The following MAGI2 variants were observed in gnomAD, a reference collection of about 807,000 sequenced individuals.
The protein encoded by MAGI2 is membrane-associated guanylate kinase, WW and PDZ domain-containing protein 2.
MAGI2 carries 35 observed loss-of-function variants against 133.3 expected under a neutral mutation model. The ratio of observed to expected loss-of-function variants is 0.26; its 90% confidence interval spans 0.20 to 0.35. The LOEUF is 0.35. MAGI2 is among the 10% of genes least tolerant of loss of function. The pLI, the probability that MAGI2 is intolerant of heterozygous loss-of-function variation, is 1.00. For synonymous variants in MAGI2, 729 were observed against 710.6 expected, an observed-to-expected ratio of 1.03 and a Z score of -0.41; for missense variants, 1,636 against 1,863.4, an observed-to-expected ratio of 0.88 and a Z score of 2.25.
At chr7:78,082,177 C>G (rs1443589286) in intron 20 of MAGI2, among the ~76,000 whole-genome samples, 1 of 152,234 alleles carries the variant, frequency 6.6e-6, no homozygotes, top group Non-Finnish European at 1.5e-5. Flanking sequence ...TCTTTTGACT[C>G]TGGTCCCATA....
intron 2 of MAGI2, among the ~76,000 whole-genome samples, chr7:78,924,376 C>A (rs1799517094): frequency 6.6e-6 from 1 of 152,064 alleles, no homozygotes; most frequent in Admixed American, 6.6e-5. Context: ...CCCATCAATA[C>A]CTAATTTATT....
chr7:78,638,778 T>G (rs1265760929), intron 2 of MAGI2, among the ~76,000 whole-genome samples: 1 of 152,234 alleles, frequency 6.6e-6, no homozygotes, highest in Non-Finnish European at 1.5e-5. Context: ...TGTTACCAAT[T>G]AATTTATTTT....
intron 14 of MAGI2, among the ~76,000 whole-genome samples, chr7:78,176,674 A>G (rs1286582033): frequency 6.6e-6 from 1 of 151,770 alleles, no homozygotes; most frequent in Non-Finnish European, 1.5e-5. Flanking sequence ...CCCAGGTTTT[A>G]TTTTTATTTT....
chr7:78,495,798 T>C (rs535911071), intron 5 of MAGI2, among the ~76,000 whole-genome samples: 33 of 152,330 alleles, frequency 2.2e-4, no homozygotes, highest in Admixed American at 2.0e-4. Flanking sequence ...GTTTTGGATA[T>C]TGTGGATGTG....
chr7:78,661,804 T>C (rs1812988205), intron 2 of MAGI2, among the ~76,000 whole-genome samples: 1 of 152,218 alleles, frequency 6.6e-6, no homozygotes, highest in Non-Finnish European at 1.5e-5. Context: ...CAACTCATAA[T>C]GTGCTTGATG....
intron 1 of MAGI2, among the ~76,000 whole-genome samples, chr7:79,259,546 C>T (rs1833933701): frequency 6.6e-6 from 1 of 152,104 alleles, no homozygotes; most frequent in South Asian, 2.1e-4. Context: ...TTTAGACCCC[C>T]ACTTCATGTT....
intron 10 of MAGI2, among the ~76,000 whole-genome samples, chr7:78,228,046 G>A (rs1173333863): frequency 6.6e-6 from 1 of 152,216 alleles, no homozygotes; most frequent in Admixed American, 6.5e-5. Flanking sequence ...AGCAGCCATT[G>A]AGAATGCTCA....
chr7:78,447,382 A>C (rs1387644321), intron 6 of MAGI2, among the ~76,000 whole-genome samples: 3 of 145,240 alleles, frequency 2.1e-5, no homozygotes, highest in Admixed American at 6.7e-5. Flanking sequence ...GATGGCTAAA[A>C]AAAAAAAAAG....
chr7:78,476,926 A>G (rs1286734932), intron 6 of MAGI2, among the ~76,000 whole-genome samples: 1 of 151,926 alleles, frequency 6.6e-6, no homozygotes, highest in Non-Finnish European at 1.5e-5. Context: ...TCAGCCTTGG[A>G]ATGCACTGTT....
At chr7:78,684,843 A>T (rs1369028205) in intron 2 of MAGI2, among the ~76,000 whole-genome samples, 3 of 152,168 alleles carry the variant, frequency 2.0e-5, no homozygotes, top group Non-Finnish European at 2.9e-5. Flanking sequence ...CAGAAATTCT[A>T]CCTTGGCCAA....
At chr7:79,315,192 G>C (rs1025920235) in intron 1 of MAGI2, among the ~76,000 whole-genome samples, 1 of 143,058 alleles carries the variant, frequency 7.0e-6, no homozygotes, top group Non-Finnish European at 1.5e-5. Flanking sequence ...GTGAAGTCTC[G>C]CTGTTTTCCA....
chr7:78,988,649 T>G (rs1212845357), intron 2 of MAGI2, among the ~76,000 whole-genome samples: 1 of 152,140 alleles, frequency 6.6e-6, no homozygotes, highest in Admixed American at 6.6e-5. Context: ...AGCAAAATTT[T>G]ACAACTTGGT....
intron 1 of MAGI2, among the ~76,000 whole-genome samples, chr7:79,217,005 C>T (rs1328454621): frequency 6.6e-6 from 1 of 152,010 alleles, no homozygotes; most frequent in African/African-American, 2.4e-5. Flanking sequence ...AATAAAAGCA[C>T]GTGAAGCTAG....
chr7:78,889,397 C>T (rs925152825), intron 2 of MAGI2, among the ~76,000 whole-genome samples: 20 of 152,046 alleles, frequency 1.3e-4, no homozygotes, highest in African/African-American at 4.8e-4. Context: ...AGATACTCCT[C>T]GAGAAGAGCA....
At chr7:79,256,486 C>CTTTTTTT (rs11303181) in intron 1 of MAGI2, among the ~76,000 whole-genome samples, 8 of 82,774 alleles carry the variant, frequency 9.7e-5, no homozygotes, top group South Asian at 4.8e-4. Flanking sequence ...CTCTCTCTCT[C>CTTTTTTT]TTTTTTTTTT....
At chr7:78,346,228 A>C (rs1790892732) in intron 7 of MAGI2, among the ~76,000 whole-genome samples, 185 bp from the exon 8 acceptor site, 1 of 152,194 alleles carries the variant, frequency 6.6e-6, no homozygotes, top group Non-Finnish European at 1.5e-5. Context: ...TTCTGTGACA[A>C]GTGCTGAGTT....
At position 78,160,015 on chromosome 7, in the gene MAGI2, C is replaced by T. The variant is rs761399560; in HGVS notation, c.2845+10G>A. 1 of 1,535,736 alleles carries T rather than the reference C, an allele frequency of 6.5e-7. No individual in the cohort carries two copies. The highest frequency in any genetic ancestry group is 8.8e-7 in the Non-Finnish European group (1 of 1,139,284). ...CCCTTATTCAAATGCAGGCAAATTT[C>T]AGCACTTACTTATAGTGGATCCAGA... On this transcript the variant is annotated intron_variant, in intron 16 of 21. Transcript: ENST00000354212.
chr7:78,736,248 T>A (rs1030230262), intron 2 of MAGI2, among the ~76,000 whole-genome samples: 3 of 152,160 alleles, frequency 2.0e-5, no homozygotes, highest in Non-Finnish European at 4.4e-5. Context: ...TTCCAGAGAG[T>A]ATCTAATAAC....
intron 9 of MAGI2, among the ~76,000 whole-genome samples, chr7:78,297,476 T>C (rs62463897): frequency 0.046 from 6,967 of 151,706 alleles, 229 homozygotes; most frequent in South Asian, 0.12. Context: ...ATCCCATTAC[T>C]GGGTATATAC....
Sources: gnomAD v4.1 joint callset for allele counts (sites outside exome capture counted in the v4.1 genomes callset) on GRCh38, gnomAD v4.1.1 for gene constraint, MANE v1.5 for transcripts, NCBI Gene and HGNC (gene_info 2026-07-23, HGNC 2026-07-21) for gene names.